CYP2B6: variants seen among roughly 807,000 people sequenced by gnomAD.
CYP2B6 encodes the protein cytochrome P450 2B6.
A neutral mutation model predicts 43.4 loss-of-function variants in CYP2B6; 35 were observed. The observed-to-expected ratio is 0.81, with a 90% CI of 0.62 to 1.07. CYP2B6 has a LOEUF of 1.07. Ranked by LOEUF, CYP2B6 falls within the 50% of genes least tolerant of loss-of-function variation. The pLI is 0.00. For synonymous variants in CYP2B6, 239 were observed against 239.2 expected, an observed-to-expected ratio of 1.00 and a Z score of 0.01; for missense variants, 624 against 632.8, an observed-to-expected ratio of 0.99 and a Z score of 0.15.
At position 41,006,970 on chromosome 19, in the gene CYP2B6, T is replaced by C. The variant is rs747876111; in HGVS notation, c.550T>C (p.Phe184Leu). Residue 184 changes from phenylalanine to leucine, a missense_variant, in exon 4 of 9, where the codon TTT (phenylalanine) becomes CTT (leucine). By Grantham distance (22) the Phe-to-Leu change is conservative (BLOSUM62 0). Transcript: ENST00000324071. ...CGCCAACATCATCTGCTCCATCGTCTTTGGAAAACGATTCCACTACCAAGA... is the reference window on the plus strand; with the variant it reads ...CGCCAACATCATCTGCTCCATCGTCCTTGGAAAACGATTCCACTACCAAGA... ...ITANIICSIV[F>L]GKRFHYQDQE... 1 of 1,614,058 alleles carries C rather than the reference T, an allele frequency of 6.2e-7. No individual in the cohort carries two copies. The highest frequency in any genetic ancestry group is 1.7e-5 in the Admixed American group (1 of 60,008).
In CYP2B6 at chr19:41,018,098, T is replaced by C. The variant is rs1421826641; in HGVS notation, c.*1271T>C. 6.6e-6 allele frequency: 1 copy of C among 152,152 alleles called. No individual in the cohort carries two copies. The highest frequency in any genetic ancestry group is 1.9e-4 in the East Asian group (1 of 5,188). 9.4% of individuals were successfully genotyped at this position (152,152 alleles called of 1,614,324 possible). On this transcript the variant is annotated 3_prime_UTR_variant, in exon 9 of 9. Transcript: ENST00000324071. ...GCCTCAGGTGATCCACCCACCTCAGTGTTCCAAAGTGCTGATATTACAGGC... is the reference window on the plus strand; with the variant it reads ...GCCTCAGGTGATCCACCCACCTCAGCGTTCCAAAGTGCTGATATTACAGGC...
intron 1 of CYP2B6, among the ~76,000 whole-genome samples, chr19:40,992,828 T>C (rs6508963): frequency 0.31 from 46,857 of 151,930 alleles, 7,763 homozygotes; most frequent in East Asian, 0.44. Context: ...CCAAGACTCT[T>C]GAGAAAATAC....
At position 41,017,946 on chromosome 19, in the gene CYP2B6, C is replaced by T. The variant is rs1368567084; in HGVS notation, c.*1119C>T. 4 of 151,562 alleles carry T rather than the reference C, an allele frequency of 2.6e-5. No individual in the cohort carries two copies. Among genetic ancestry groups the T allele is most frequent in the Non-Finnish European group, 5.9e-5 (4 of 67,946 alleles). The allele number at this position is 151,562 out of a possible 1,614,324, so 9.4% of individuals were successfully genotyped here. A position where few individuals can be genotyped will look rare whatever the true frequency, so the allele number is the denominator to read the frequency against. On this transcript the variant is annotated 3_prime_UTR_variant, in exon 9 of 9. Coordinates refer to ENST00000324071, the MANE Select transcript of CYP2B6 (RefSeq NM_000767.5). The stretch of plus-strand genomic sequence containing the variant: ...TTTGTTCACTGCAACCTCTGCCTTC[C>T]AAGATCAAGAGATTCTCCAGTCTCA...
chr19:41,001,246 GC>G (rs1969081207), intron 1 of CYP2B6, among the ~76,000 whole-genome samples: 1 of 152,024 alleles, frequency 6.6e-6, no homozygotes, highest in Non-Finnish European at 1.5e-5. Context: ...TAAAGCTGTG[GC>G]CCCCTCTTTT....
intron 5 of CYP2B6, 98 bp from the exon 6 acceptor site, chr19:41,009,896 C>A: frequency 6.8e-7 from 1 of 1,478,190 alleles, no homozygotes; most frequent in Non-Finnish European, 9.4e-7. Context: ...GTGTCAAAGA[C>A]CTTTAGGCCA....
rs755215477 is a variant in CYP2B6 at position 40,991,408 on chromosome 19, C to T, written c.103C>T (p.Arg35Cys). ...NTHDRLPPGP[R>C]PLPLLGNLLQ... is the part of the protein sequence containing the mutation. Reference sequence around the variant, plus strand: ...CCATGACCGCCTCCCACCAGGGCCCCGCCCTCTGCCCCTTTTGGGAAACCT... The same window carrying T: ...CCATGACCGCCTCCCACCAGGGCCCTGCCCTCTGCCCCTTTTGGGAAACCT... Residue 35 changes from arginine to cysteine, a missense_variant, in exon 1 of 9, where the codon CGC becomes TGC. Physicochemically the swap from Arg to Cys is radical, Grantham distance 180. Transcript: ENST00000324071. 1.2e-5 allele frequency: 20 copies of T among 1,614,086 alleles called. No homozygotes were observed. The highest frequency in any genetic ancestry group is 4.4e-5 in the South Asian group (4 of 91,076).
intron 6 of CYP2B6, 47 bp from the exon 7 acceptor site, chr19:41,012,251 G>A: frequency 6.3e-7 from 1 of 1,596,818 alleles, no homozygotes; most frequent in Non-Finnish European, 8.6e-7. Flanking sequence ...TGCCTGGCCT[G>A]AAATGCCTCT....
At chr19:40,995,140 C>A (rs1968982030) in intron 1 of CYP2B6, among the ~76,000 whole-genome samples, 1 of 152,060 alleles carries the variant, frequency 6.6e-6, no homozygotes, top group East Asian at 1.9e-4. Context: ...GTTAGGACAG[C>A]AAGAAATGGG....
intron 2 of CYP2B6, 40 bp downstream of exon 2, chr19:41,004,203 G>GGGGGGGGGGGGGGGGGGC: frequency 6.4e-7 from 1 of 1,551,884 alleles, no homozygotes; most frequent in Non-Finnish European, 8.9e-7. Flanking sequence ...CGGGTGGGGG[G>GGGGGGGGGGGGGGGGGGC]TGCATCAGGG....
Position 41,004,303 on chromosome 19 carries a change from T to C in CYP2B6, c.341T>C (p.Ile114Thr), listed in dbSNP as rs139801276. 2.5e-4 allele frequency: 403 copies of C among 1,613,862 alleles called. No individual in the cohort carries two copies. In the African/African-American group the frequency reaches 4.4e-3, roughly 18 times the overall value. ...CACCTCCCCTGCACCCCAGGTGTGA[T>C]CTTTGCCAATGGAAACCGCTGGAAG... is the stretch of plus-strand genomic sequence containing the variant. ...VDPFFRGYGV[I>T]FANGNRWKVL... The change falls in exon 3 of 9, where the codon ATC (isoleucine) becomes ACC (threonine). Residue 114 changes from isoleucine (I) to threonine (T), a missense_variant. Physicochemically the swap from Ile to Thr is moderately conservative, Grantham distance 89. Coordinates refer to ENST00000324071, the MANE Select transcript of CYP2B6 (RefSeq NM_000767.5).
chr19:41,006,784 T>C, intron 3 of CYP2B6, 121 bp from the exon 4 acceptor site: 1 of 910,594 alleles, frequency 1.1e-6, no homozygotes, highest in Non-Finnish European at 1.8e-6. Flanking sequence ...TAATTAGCTG[T>C]TACGGTTATT....
rs370958436 is a variant in CYP2B6, at chr19:41,004,338, C to T, written c.376C>T (p.Arg126Ter). Residue 126 changes from arginine (R) to a stop codon, truncating the protein, a stop_gained, in exon 3 of 9, where the codon CGA becomes TGA. Coordinates refer to ENST00000324071, the MANE Select transcript of CYP2B6 (RefSeq NM_000767.5). LOFTEE classifies it high-confidence loss of function. ...ANGNRWKVLR[R>*]FSVTTMRDFG... ...TGGAAACCGCTGGAAGGTGCTTCGG[C>T]GATTCTCTGTGACCACTATGAGGGA... The T allele has an allele frequency of 2.7e-5, 43 of 1,613,750 alleles. 1 individual carries two copies. The highest frequency in any genetic ancestry group is 8.8e-5 in the South Asian group (8 of 91,058).
chr19:40,998,434 T>C (rs1379917395), intron 1 of CYP2B6, among the ~76,000 whole-genome samples: 5 of 152,116 alleles, frequency 3.3e-5, no homozygotes, highest in Admixed American at 6.5e-5. Context: ...TTTTTTATTA[T>C]TATTATACTT....
intron 8 of CYP2B6, among the ~76,000 whole-genome samples, chr19:41,014,106 C>A (rs1969325502): frequency 6.6e-6 from 1 of 152,120 alleles, no homozygotes; most frequent in East Asian, 1.9e-4. Flanking sequence ...TTAACATGCA[C>A]CATCCATGAA....
rs374460130 is a variant in CYP2B6, at chr19:41,012,290, C to T, written c.965-8C>T. 6.2e-7 allele frequency: 1 copy of T among 1,613,902 alleles called. No homozygotes were observed. Among genetic ancestry groups the T allele is most frequent in the Non-Finnish European group, 8.5e-7 (1 of 1,179,888 alleles). On this transcript the variant is annotated splice_region_variant and splice_polypyrimidine_tract_variant and intron_variant, in intron 6 of 8. Transcript: ENST00000324071. ...AAATGAGATTCATTGGTCTTCTTTT[C>T]TGTACAGAGAGAGTCTACAGGGAGA...
In CYP2B6 at chr19:41,017,697, G is replaced by C. The variant is rs946783153; in HGVS notation, c.*870G>C. On this transcript the variant is annotated 3_prime_UTR_variant, in exon 9 of 9. Transcript: ENST00000324071. ...TCAGGTGATTCTCCTAGCTCCAAAT[G>C]TTTTCATTATCTCTCCCCCAACAAA... The C allele has an allele frequency of 6.6e-6, 1 of 151,902 alleles. No homozygotes were observed. The highest frequency in any genetic ancestry group is 2.4e-5 in the African/African-American group (1 of 41,336). 9.4% of individuals were successfully genotyped at this position (151,902 alleles called of 1,614,324 possible).
At chr19:41,011,315 T>C (rs1969279737) in intron 6 of CYP2B6, among the ~76,000 whole-genome samples, 1 of 152,230 alleles carries the variant, frequency 6.6e-6, no homozygotes, top group Non-Finnish European at 1.5e-5. Context: ...TATTTACTCA[T>C]ACTTCACTAA....
chr19:40,995,029 G>GT (rs369629008), intron 1 of CYP2B6, among the ~76,000 whole-genome samples: 20 of 151,868 alleles, frequency 1.3e-4, no homozygotes, highest in Admixed American at 9.2e-4. Context: ...ACAACTCCTT[G>GT]TTTTTTTTGT....
intron 1 of CYP2B6, among the ~76,000 whole-genome samples, chr19:40,992,435 T>C (rs1398354158): frequency 6.6e-6 from 1 of 152,118 alleles, no homozygotes; most frequent in Non-Finnish European, 1.5e-5. Flanking sequence ...AGTTGAGTGA[T>C]TCTTTACCTT....
Sources: allele counts gnomAD v4.1 joint callset (sites outside exome capture counted in the v4.1 genomes callset), GRCh38; gene constraint gnomAD v4.1.1; transcripts MANE v1.5; gene names NCBI Gene and HGNC (gene_info 2026-07-23, HGNC 2026-07-21).